TBC1D20: variants seen among roughly 807,000 people sequenced by gnomAD.
TBC1D20 encodes the protein TBC1 domain family member 20, also known as chromosome 20 open reading frame 140.
TBC1D20 carries 12 observed loss-of-function variants against 41.6 expected under a neutral mutation model. That is an observed-to-expected ratio of 0.29 (90% CI 0.18 to 0.47). The LOEUF (loss-of-function observed/expected upper bound fraction) is 0.47. Ranked by LOEUF, TBC1D20 falls within the 20% of genes least tolerant of loss-of-function variation. The probability of loss-of-function intolerance (pLI) is 1.00; values close to 1 mark genes in which losing one functional copy is unlikely to be tolerated. For missense variants in TBC1D20, 421 were observed against 517.4 expected, an observed-to-expected ratio of 0.81 and a Z score of 1.81; for synonymous variants, 205 against 204.8, an observed-to-expected ratio of 1.00 and a Z score of -0.01.
chr20:441,997 G>A lies in TBC1D20; in HGVS notation c.384C>T (p.Asp128=), dbSNP rs746706450. 6.2e-7 allele frequency: 1 copy of A among 1,614,100 alleles called. No individual in the cohort carries two copies. The highest frequency in any genetic ancestry group is 1.1e-5 in the South Asian group (1 of 91,084). ...QREGLQEELI[D]IILLILERNP... is the part of the protein sequence containing the mutation. ...TGCGCTCCAAGATGAGGAGGATGAT[G>A]TCAATCAGTTCTTCCTGGAGCCCTT... Residue 128 remains aspartate (D), a synonymous_variant, in exon 4 of 8, where the codon GAC becomes GAT. Transcript: ENST00000354200.
At chr20:449,154 T>C (rs796504905) in intron 1 of TBC1D20, among the ~76,000 whole-genome samples, 2 of 45,508 alleles carry the variant, frequency 4.4e-5, no homozygotes, top group African/African-American at 2.0e-4. Flanking sequence ...CTATATGTAC[T>C]TTTTTTTTTT....
In TBC1D20 at chr20:435,566, T is replaced by C. The variant is rs1257228282; in HGVS notation, c.*3020A>G. The C allele has an allele frequency of 1.3e-5, 2 of 153,706 alleles. No homozygotes were observed. The highest frequency in any genetic ancestry group is 2.9e-5 in the Non-Finnish European group (2 of 68,066). The allele number at this position is 153,706 out of a possible 1,614,324, so 9.5% of individuals were successfully genotyped here. A position where few individuals can be genotyped will look rare whatever the true frequency, so the allele number is the denominator to read the frequency against. On this transcript the variant is annotated 3_prime_UTR_variant, in exon 8 of 8. Transcript: ENST00000354200. ...ATGAAGATACACACAGGGTGAGGTC[T>C]GGACGGGTCCTGGGCAAATGCTGGA...
At chr20:458,458 C>A (rs1462924211) in intron 1 of TBC1D20, among the ~76,000 whole-genome samples, 1 of 151,792 alleles carries the variant, frequency 6.6e-6, no homozygotes, top group African/African-American at 2.4e-5. Flanking sequence ...GGACCACAGA[C>A]AAGCTCCACT....
At position 448,025 on chromosome 20, in the gene TBC1D20, C is replaced by CAG. The variant is rs1487274264; in HGVS notation, c.118_119dup (p.Asn41Ter). 1 of 1,614,136 alleles carries CAG rather than the reference C, an allele frequency of 6.2e-7. No homozygotes were observed. The highest frequency in any genetic ancestry group is 1.7e-5 in the Admixed American group (1 of 60,024). ...CAGCCACATCAGTGGGATCACTGTT[C>CAG]AGAGCCTGGTGTATCTCTGCCACTT... On this transcript the variant is annotated frameshift_variant, in exon 2 of 8. Transcript: ENST00000354200. LOFTEE classifies it high-confidence loss of function.
chr20:443,816 T>A (rs191230642), intron 3 of TBC1D20, among the ~76,000 whole-genome samples: 2 of 151,734 alleles, frequency 1.3e-5, no homozygotes, highest in East Asian at 3.9e-4. Context: ...GAATAAAGGG[T>A]TCAGAGGGAA....
chr20:461,726 T>C (rs1406454374), intron 1 of TBC1D20, among the ~76,000 whole-genome samples: 2 of 152,208 alleles, frequency 1.3e-5, no homozygotes, highest in Non-Finnish European at 2.9e-5. Context: ...CGATTCGTGG[T>C]TGCCAGGCGT....
Position 439,192 on chromosome 20 carries a change from A to G in TBC1D20, c.872T>C (p.Leu291Pro). Residue 291 changes from leucine to proline, a missense_variant, in exon 7 of 8, where the codon CTG (leucine) becomes CCG (proline). Physicochemically the swap from Leu to Pro is moderately conservative, Grantham distance 98. Transcript: ENST00000354200. The surrounding 1 kb of genome is among the most constrained non-coding windows in gnomAD (Gnocchi z 4.6). ...QIPQDLPYETLISRAGDLFVQ... is the reference protein window; with the variant it reads ...QIPQDLPYETPISRAGDLFVQ... ...AAAAAGGTCTCCTGCTCTGCTGATC[A>G]GTGTCTCATAGGGCAAGTCCTGAGG... 2 of 1,614,206 alleles carry G rather than the reference A, an allele frequency of 1.2e-6. No individual in the cohort carries two copies. Among genetic ancestry groups the G allele is most frequent in the Non-Finnish European group, 1.7e-6 (2 of 1,180,028 alleles).
intron 1 of TBC1D20, among the ~76,000 whole-genome samples, chr20:456,429 A>C (rs2017541091): frequency 6.6e-6 from 1 of 152,180 alleles, no homozygotes; most frequent in African/African-American, 2.4e-5. Flanking sequence ...ACTTGTACTA[A>C]GCACTGTACT....
chr20:450,115 G>A (rs1041960570), intron 1 of TBC1D20, among the ~76,000 whole-genome samples: 3 of 151,506 alleles, frequency 2.0e-5, no homozygotes, highest in Non-Finnish European at 2.9e-5. Flanking sequence ...CCTGTTACAC[G>A]CTACTACAAC....
chr20:445,140 G>T lies in TBC1D20; in HGVS notation c.257-10C>A. 1.3e-6 allele frequency: 2 copies of T among 1,582,742 alleles called. No homozygotes were observed. Among genetic ancestry groups the T allele is most frequent in the Non-Finnish European group, 1.7e-6 (2 of 1,159,870 alleles). On this transcript the variant is annotated splice_polypyrimidine_tract_variant and intron_variant, in intron 2 of 7. Transcript: ENST00000354200. ...TGCCGTAGGTTCTTCCCTATTGAAG[G>T]AAAAGGCACGTTATTGCAGGAATGC...
chr20:438,938 T>C, intron 7 of TBC1D20, 97 bp from the exon 8 acceptor site: 1 of 1,516,614 alleles, frequency 6.6e-7, no homozygotes. Flanking sequence ...CTTTCATTGC[T>C]GGGAAAGCTC....
At chr20:450,668 G>T (rs1317901422) in intron 1 of TBC1D20, 1 of 152,138 alleles carries the variant, frequency 6.6e-6, no homozygotes, top group East Asian at 1.9e-4. Context: ...TTTAGGACTG[G>T]TCCCTGAGTG....
At position 445,076 on chromosome 20, in the gene TBC1D20, C is replaced by T. The variant is rs752688278; in HGVS notation, c.311G>A (p.Arg104Gln). 4.4e-6 allele frequency: 7 copies of T among 1,605,772 alleles called. No homozygotes were observed. The highest frequency in any genetic ancestry group is 1.7e-4 in the Middle Eastern group (1 of 6,054). The stretch of plus-strand genomic sequence containing the variant: ...AGGAGGGAACCGCCGCAATGACCGC[C>T]GGACGTCCAGCAACACTTGTTGGTA... ...KDYQQVLLDV[R>Q]RSLRRFPPGM... The change falls in exon 3 of 8, where the codon CGG becomes CAG. Residue 104 changes from arginine (R) to glutamine (Q), a missense_variant. Transcript: ENST00000354200.
At chr20:456,603 T>C (rs1049615010) in intron 1 of TBC1D20, among the ~76,000 whole-genome samples, 41 of 152,240 alleles carry the variant, frequency 2.7e-4, no homozygotes, top group African/African-American at 1.2e-4. Flanking sequence ...CGCTCTTTGT[T>C]GCCCAGGCTG....
At chr20:446,620 C>T (rs762271340) in intron 2 of TBC1D20, among the ~76,000 whole-genome samples, 1 of 151,964 alleles carries the variant, frequency 6.6e-6, no homozygotes, top group Non-Finnish European at 1.5e-5. Flanking sequence ...GGATTACAGG[C>T]GTGAGCCACT....
At position 438,477 on chromosome 20, in the gene TBC1D20, A is replaced by C. The variant is rs2017159868; in HGVS notation, c.*109T>G. ...CGGGCAGGGCAGGGTGGCAGGAATA[A>C]AAAACTCTGGACAGAAACCCTTTTA... On this transcript the variant is annotated 3_prime_UTR_variant, in exon 8 of 8. Coordinates refer to ENST00000354200, the MANE Select transcript of TBC1D20 (RefSeq NM_144628.4). 7.3e-7 allele frequency: 1 copy of C among 1,366,712 alleles called. No homozygotes were observed. Among genetic ancestry groups the C allele is most frequent in the Admixed American group, 2.2e-5 (1 of 46,510 alleles). The allele number at this position is 1,366,712 out of a possible 1,614,324, so 84.7% of individuals were successfully genotyped here.
Position 437,874 on chromosome 20 carries a change from A to G in TBC1D20, c.*712T>C, listed in dbSNP as rs1046455107. 1 of 153,598 alleles carries G rather than the reference A, an allele frequency of 6.5e-6. No homozygotes were observed. The highest frequency in any genetic ancestry group is 1.5e-5 in the Non-Finnish European group (1 of 68,040). 9.5% of individuals were successfully genotyped at this position (153,598 alleles called of 1,614,324 possible). On this transcript the variant is annotated 3_prime_UTR_variant, in exon 8 of 8. Coordinates refer to ENST00000354200, the MANE Select transcript of TBC1D20 (RefSeq NM_144628.4). The stretch of plus-strand genomic sequence containing the variant: ...GTAATAAAAGTACCTTTTATAAGCA[A>G]TGTTGTGTGGCTTGTAGAAGAAAGC...
intron 1 of TBC1D20, among the ~76,000 whole-genome samples, chr20:448,405 T>C (rs570360624): frequency 6.6e-6 from 1 of 152,172 alleles, no homozygotes; most frequent in East Asian, 1.9e-4. Context: ...TAAGAGACAG[T>C]GTCGGCTGGG....
At chr20:453,487 C>G (rs2017486663) in intron 1 of TBC1D20, among the ~76,000 whole-genome samples, 2 of 140,186 alleles carry the variant, frequency 1.4e-5, no homozygotes, top group Non-Finnish European at 3.1e-5. Context: ...GTCTCAAAAA[C>G]AACAACAACA....
Sources: gnomAD v4.1 joint callset for allele counts (sites outside exome capture counted in the v4.1 genomes callset) on GRCh38, gnomAD v4.1.1 for gene constraint, Gnocchi (gnomAD v3.1) non-coding constraint, MANE v1.5 for transcripts, NCBI Gene and HGNC (gene_info 2026-07-23, HGNC 2026-07-21) for gene names.